The following SCAPER variants were observed in gnomAD, a reference collection of about 807,000 sequenced individuals.
SCAPER encodes S-phase cyclin A associated protein in the ER, also known as S phase cyclin A-associated protein in the endoplasmic reticulum.
In SCAPER, 98 loss-of-function variants were observed where a neutral mutation model predicts 182.2. That is an observed-to-expected ratio of 0.54 (90% CI 0.46 to 0.64). The LOEUF is 0.64. SCAPER is among the 30% of genes least tolerant of loss of function. The probability of loss-of-function intolerance (pLI) is 0.00; values close to 1 mark genes in which losing one functional copy is unlikely to be tolerated. For missense variants in SCAPER, 1,432 were observed against 1,690.0 expected (o/e 0.85, Z 2.68); for synonymous variants, 605 against 564.6 (o/e 1.07, Z -1.01).
At chr15:76,896,929 G>C (rs894499930) in intron 1 of SCAPER, among the ~76,000 whole-genome samples, 1 of 152,140 alleles carries the variant, frequency 6.6e-6, no homozygotes, top group African/African-American at 2.4e-5. Flanking sequence ...CTGGGTGACA[G>C]AGTGAGACCT....
intron 15 of SCAPER, among the ~76,000 whole-genome samples, chr15:76,733,894 C>A (rs1234387071): frequency 6.6e-6 from 1 of 151,980 alleles, no homozygotes; most frequent in Non-Finnish European, 1.5e-5. Context: ...GGATAATAAT[C>A]CAGTGTGTAT....
intron 29 of SCAPER, among the ~76,000 whole-genome samples, chr15:76,362,673 A>C (rs1446614973): frequency 1.3e-5 from 2 of 152,120 alleles, no homozygotes; most frequent in African/African-American, 2.4e-5. Context: ...GGCCTCCCAA[A>C]GTGCTGGGAT....
intron 1 of SCAPER, chr15:76,904,679 C>G (rs560262411): frequency 1.3e-5 from 2 of 152,332 alleles, no homozygotes; most frequent in Non-Finnish European, 2.9e-5. Context: ...GCAACAGAGG[C>G]AGGAGGCTGG....
intron 2 of SCAPER, among the ~76,000 whole-genome samples, chr15:76,875,964 A>G (rs1399302006): frequency 6.6e-6 from 1 of 152,038 alleles, no homozygotes; most frequent in Admixed American, 6.5e-5. Context: ...GCAGGTCCCG[A>G]GCCCTGCCCC....
intron 29 of SCAPER, among the ~76,000 whole-genome samples, chr15:76,358,642 G>A (rs540086481): frequency 2.6e-5 from 4 of 152,326 alleles, no homozygotes; most frequent in Non-Finnish European, 5.9e-5. Flanking sequence ...TACTGGATTA[G>A]GGCACTGCCC....
intron 23 of SCAPER, among the ~76,000 whole-genome samples, chr15:76,545,218 G>A (rs1331314062): frequency 6.6e-6 from 1 of 152,006 alleles, no homozygotes; most frequent in African/African-American, 2.4e-5. Context: ...TGGTTATTGT[G>A]GGCAATGGCA....
chr15:76,629,472 G>T (rs1187610354), intron 21 of SCAPER, among the ~76,000 whole-genome samples: 1 of 152,142 alleles, frequency 6.6e-6, no homozygotes, highest in Non-Finnish European at 1.5e-5. Context: ...GACATGAAGG[G>T]ATATTGAATT....
intron 27 of SCAPER, among the ~76,000 whole-genome samples, chr15:76,383,103 A>AACAC (rs2043069289): frequency 1.2e-4 from 1 of 8,664 alleles, no homozygotes; most frequent in Admixed American, 3.0e-3. Flanking sequence ...TGTGTGTGTA[A>AACAC]ATACACACAC....
At chr15:76,408,194 AC>A (rs931716005) in intron 26 of SCAPER, among the ~76,000 whole-genome samples, 1 of 151,788 alleles carries the variant, frequency 6.6e-6, no homozygotes, top group Non-Finnish European at 1.5e-5. Flanking sequence ...ATCTTTTAAA[AC>A]CCCCTTTGAA....
intron 21 of SCAPER, among the ~76,000 whole-genome samples, chr15:76,654,021 C>T (rs1244226688): frequency 6.6e-6 from 1 of 152,008 alleles, no homozygotes; most frequent in African/African-American, 2.4e-5. Flanking sequence ...AAGAAAATAA[C>T]CCATTAAAAA....
chr15:76,708,236 T>G (rs1335954497), intron 17 of SCAPER, among the ~76,000 whole-genome samples: 1 of 152,212 alleles, frequency 6.6e-6, no homozygotes, highest in Non-Finnish European at 1.5e-5. Flanking sequence ...ACTGTACTTT[T>G]GGTATTTGTA....
intron 4 of SCAPER, among the ~76,000 whole-genome samples, chr15:76,849,475 T>C (rs1291037382): frequency 5.3e-5 from 8 of 152,054 alleles, no homozygotes; most frequent in Non-Finnish European, 5.9e-5. Flanking sequence ...AGACCCTCCA[T>C]CCTGTGATGG....
chr15:76,897,588 T>C (rs1182390214), intron 1 of SCAPER, among the ~76,000 whole-genome samples: 4 of 151,802 alleles, frequency 2.6e-5, no homozygotes, highest in Non-Finnish European at 5.9e-5. Flanking sequence ...GCACCTGAAG[T>C]CCCAGGTACT....
intron 26 of SCAPER, among the ~76,000 whole-genome samples, chr15:76,420,017 CAGAA>C (rs1476163812): frequency 6.6e-6 from 1 of 152,034 alleles, no homozygotes; most frequent in Non-Finnish European, 1.5e-5. Context: ...ACCACATGAA[CAGAA>C]AGAAAGACAA....
At chr15:76,497,314 T>C (rs1403727350) in intron 24 of SCAPER, among the ~76,000 whole-genome samples, 1 of 152,086 alleles carries the variant, frequency 6.6e-6, no homozygotes, top group Non-Finnish European at 1.5e-5. Flanking sequence ...ACTTTGTGTA[T>C]TGGATTATAA....
At chr15:76,710,706 G>A (rs533985608) in intron 17 of SCAPER, among the ~76,000 whole-genome samples, 1 of 152,134 alleles carries the variant, frequency 6.6e-6, no homozygotes, top group Admixed American at 6.5e-5. Flanking sequence ...TCCCTAAACT[G>A]ACCTATAGAT....
chr15:76,535,319 C>G (rs982435648), intron 23 of SCAPER, among the ~76,000 whole-genome samples: 1 of 151,474 alleles, frequency 6.6e-6, no homozygotes, highest in African/African-American at 2.4e-5. Context: ...GTCAGGAGAT[C>G]GAGACCATCC....
intron 23 of SCAPER, among the ~76,000 whole-genome samples, chr15:76,528,012 C>A (rs2043336391): frequency 6.6e-6 from 1 of 152,146 alleles, no homozygotes; most frequent in Non-Finnish European, 1.5e-5. Flanking sequence ...TTTGGAGGCT[C>A]TTCTCTTTTT....
intron 2 of SCAPER, among the ~76,000 whole-genome samples, chr15:76,867,325 C>T (rs1568371275): frequency 2.0e-5 from 3 of 152,058 alleles, no homozygotes; most frequent in South Asian, 4.1e-4. Context: ...AGAAAAGAAC[C>T]TTTCTCTTAA....
Sources: allele counts gnomAD v4.1 joint callset (sites outside exome capture counted in the v4.1 genomes callset), GRCh38; gene constraint gnomAD v4.1.1; transcripts MANE v1.5; gene names NCBI Gene and HGNC (gene_info 2026-07-23, HGNC 2026-07-21).